DMXL1: variants seen among roughly 807,000 people sequenced by gnomAD.
The protein encoded by DMXL1 is dmX-like protein 1.
A neutral mutation model predicts 319.2 loss-of-function variants in DMXL1; 99 were observed. The observed-to-expected ratio is 0.31, with a 90% CI of 0.26 to 0.37. The LOEUF (loss-of-function observed/expected upper bound fraction) is 0.37. DMXL1 is among the 10% of genes least tolerant of loss of function. The pLI is 1.00. For missense variants in DMXL1, 3,745 were observed against 3,595.6 expected, an observed-to-expected ratio of 1.04 and a Z score of -1.06; for synonymous variants, 1,385 against 1,235.2, an observed-to-expected ratio of 1.12 and a Z score of -2.54.
intron 10 of DMXL1, among the ~76,000 whole-genome samples, chr5:119,131,235 A>G (rs921055683): frequency 6.6e-6 from 1 of 151,736 alleles, no homozygotes; most frequent in East Asian, 1.9e-4. Context: ...AAAAAAATAT[A>G]TCTCTTCAGA....
intron 1 of DMXL1, among the ~76,000 whole-genome samples, chr5:119,090,697 G>A (rs568834065): frequency 6.6e-6 from 1 of 151,526 alleles, no homozygotes; most frequent in South Asian, 2.1e-4. Context: ...CAAGTAGCTG[G>A]GATTACCGGC....
intron 30 of DMXL1, among the ~76,000 whole-genome samples, chr5:119,195,674 T>A (rs1779484423): frequency 6.6e-6 from 1 of 152,188 alleles, no homozygotes; most frequent in Non-Finnish European, 1.5e-5. Flanking sequence ...GCAATGTGAA[T>A]GTACTTAATG....
chr5:119,133,486 G>T lies in DMXL1; in HGVS notation c.1570-8G>T. Reference sequence around the variant, plus strand: ...TATATGTTCTAACACTTGCTTTCTTGATTCTAGGTGTCCTTTGTTTCCAGA... The same window carrying T: ...TATATGTTCTAACACTTGCTTTCTTTATTCTAGGTGTCCTTTGTTTCCAGA... On this transcript the variant is annotated splice_region_variant and splice_polypyrimidine_tract_variant and intron_variant, in intron 11 of 43. Transcript: ENST00000539542. 6.3e-7 allele frequency: 1 copy of T among 1,594,646 alleles called. No individual in the cohort carries two copies. The highest frequency in any genetic ancestry group is 1.1e-5 in the South Asian group (1 of 87,152).
At chr5:119,104,976 A>G (rs1233264345) in intron 3 of DMXL1, among the ~76,000 whole-genome samples, 1 of 152,230 alleles carries the variant, frequency 6.6e-6, no homozygotes, top group African/African-American at 2.4e-5. Flanking sequence ...TATACTAAAG[A>G]TAGCATTTTG....
chr5:119,150,623 T>A (rs1769563688), intron 18 of DMXL1, among the ~76,000 whole-genome samples: 1 of 151,834 alleles, frequency 6.6e-6, no homozygotes, highest in South Asian at 2.1e-4. Context: ...GACCCCCATC[T>A]CTATGAAAAC....
Position 119,178,063 on chromosome 5 carries a change from G to C in DMXL1, c.6954G>C (p.Leu2318Phe), listed in dbSNP as rs762708358. The C allele has an allele frequency of 2.3e-5, 37 of 1,613,692 alleles. No individual in the cohort carries two copies. The highest frequency in any genetic ancestry group is 3.3e-4 in the Middle Eastern group (2 of 6,082). Residue 2318 changes from leucine (L) to phenylalanine (F), a missense_variant, in exon 28 of 44, where the codon TTG becomes TTC. Physicochemically the swap from Leu to Phe is conservative, Grantham distance 22. Transcript: ENST00000539542. ...AAGCCCAGTCAGGGCTTACAGTCTT[G>C]CTCTGTGAGATTCTCACAGCAGTGT... ...GEEAQSGLTVLLCEILTAVYL... is the reference protein window; with the variant it reads ...GEEAQSGLTVFLCEILTAVYL...
At chr5:119,164,698 A>G in intron 20 of DMXL1, 22 bp downstream of exon 20, 1 of 1,561,398 alleles carries the variant, frequency 6.4e-7, no homozygotes, top group Non-Finnish European at 8.7e-7. Context: ...ATTTTGGTGT[A>G]TAAGTGAATT....
chr5:119,171,228 G>A lies in DMXL1; in HGVS notation c.6437G>A (p.Gly2146Asp). Residue 2146 changes from glycine to aspartate, a missense_variant, in exon 24 of 44, where the codon GGT becomes GAT. Gly to Asp is a moderately conservative substitution (Grantham distance 94). This residue lies in a region of DMXL1 where 1,382 missense variants were observed against 1,269.5 expected (regional missense o/e 1.09). Transcript: ENST00000539542. ...YCILHGSHGGGLASVRMELIL... is the reference protein window; with the variant it reads ...YCILHGSHGGDLASVRMELIL... ...ATACTTCATGGATCCCATGGTGGGG[G>A]TCTTGCATCTGTAAGAATGGAATTG... 1 of 1,610,306 alleles carries A rather than the reference G, an allele frequency of 6.2e-7. No individual in the cohort carries two copies. The highest frequency in any genetic ancestry group is 1.3e-5 in the African/African-American group (1 of 74,890).
chr5:119,122,591 C>T (rs575151337), intron 9 of DMXL1, among the ~76,000 whole-genome samples: 20 of 147,570 alleles, frequency 1.4e-4, no homozygotes, highest in African/African-American at 3.3e-4. Context: ...TCTGACGGGT[C>T]GGTTGCCAGG....
At chr5:119,154,046 A>G (rs559259557) in intron 19 of DMXL1, among the ~76,000 whole-genome samples, 4 of 152,352 alleles carry the variant, frequency 2.6e-5, no homozygotes, top group Non-Finnish European at 4.4e-5. Flanking sequence ...ATGTAGGACA[A>G]TGAATTTAAT....
chr5:119,152,640 C>A (rs750786027), intron 19 of DMXL1, among the ~76,000 whole-genome samples: 1 of 152,104 alleles, frequency 6.6e-6, no homozygotes, highest in Non-Finnish European at 1.5e-5. Context: ...TCTTATTAAA[C>A]GATTATTGTA....
intron 1 of DMXL1, 33 bp from the exon 2 acceptor site, chr5:119,097,946 A>C: frequency 6.5e-7 from 1 of 1,542,564 alleles, no homozygotes. Flanking sequence ...TTTCCTTGAC[A>C]CTTTTATCAT....
At chr5:119,174,848 G>T (rs1356708924) in intron 25 of DMXL1, among the ~76,000 whole-genome samples, 1 of 152,106 alleles carries the variant, frequency 6.6e-6, no homozygotes, top group East Asian at 1.9e-4. Flanking sequence ...AGAATATGTG[G>T]TAGCATATTC....
chr5:119,187,818 A>G (rs1778012210), intron 28 of DMXL1, among the ~76,000 whole-genome samples: 1 of 152,054 alleles, frequency 6.6e-6, no homozygotes, highest in South Asian at 2.1e-4. Context: ...ACGTGCCACC[A>G]TGCCTGGCTA....
intron 19 of DMXL1, among the ~76,000 whole-genome samples, chr5:119,161,273 C>A (rs1772210594): frequency 6.6e-6 from 1 of 152,212 alleles, no homozygotes; most frequent in Non-Finnish European, 1.5e-5. Flanking sequence ...ACTGTCAAGA[C>A]CACTGGCTGG....
At chr5:119,094,707 G>A (rs1755537314) in intron 1 of DMXL1, among the ~76,000 whole-genome samples, 4 of 152,146 alleles carry the variant, frequency 2.6e-5, no homozygotes, top group African/African-American at 7.2e-5. Flanking sequence ...CATTCTAGAT[G>A]CCATTAGGGA....
At chr5:119,108,166 C>A (rs1416025090) in intron 4 of DMXL1, among the ~76,000 whole-genome samples, 2 of 152,108 alleles carry the variant, frequency 1.3e-5, no homozygotes, top group Non-Finnish European at 2.9e-5. Flanking sequence ...AGTTTGAGAC[C>A]AGCCTGGGCA....
At chr5:119,207,886 A>T (rs1161301334) in intron 34 of DMXL1, among the ~76,000 whole-genome samples, 1 of 152,206 alleles carries the variant, frequency 6.6e-6, no homozygotes, top group Non-Finnish European at 1.5e-5. Context: ...TATTTAAAAC[A>T]ATCTCAGCAG....
Position 119,100,437 on chromosome 5 carries a change from TA to T in DMXL1, c.214-1483del, listed in dbSNP as rs767262000. Among the ~76,000 whole-genome samples, 1,076 of 127,812 alleles carry T rather than the reference TA, an allele frequency of 8.4e-3. 4 individuals carry two copies. The highest frequency in any genetic ancestry group is 0.012 in the African/African-American group (403 of 34,736). 83.8% of individuals were successfully genotyped at this position (127,812 alleles called of 152,430 possible). On this transcript the variant is annotated intron_variant, in intron 2 of 43. Coordinates refer to ENST00000539542, the MANE Select transcript of DMXL1 (RefSeq NM_001290321.3). ...GGTAACAGTGTGAGACTCCGTCTCA[TA>T]AAAAAAAAAAAAAAGAAGGAAATGT...
Sources: allele counts gnomAD v4.1 joint callset (sites outside exome capture counted in the v4.1 genomes callset), GRCh38; gene constraint gnomAD v4.1.1; regional missense constraint gnomAD v4.1.1; transcripts MANE v1.5; gene names NCBI Gene and HGNC (gene_info 2026-07-23, HGNC 2026-07-21).